Variants in ANK3 observed in about 807,000 individuals in gnomAD.
The protein encoded by ANK3 is ankyrin-3.
Under a neutral mutation model 370.9 loss-of-function variants are expected in ANK3, and 57 were observed. That is an observed-to-expected ratio of 0.15 (90% CI 0.12 to 0.19). ANK3 has a LOEUF of 0.19. Among genes scored for constraint, ANK3 ranks in the 10% least tolerant of loss-of-function variants. The pLI is 1.00. For missense variants in ANK3, 4,439 were observed against 5,302.1 expected (o/e 0.84, Z 5.06); for synonymous variants, 1,929 against 1,946.3 (o/e 0.99, Z 0.23).
intron 1 of ANK3, among the ~76,000 whole-genome samples, chr10:60,364,217 C>A (rs2059077178): frequency 2.0e-5 from 3 of 150,976 alleles, no homozygotes; most frequent in African/African-American, 7.3e-5. Flanking sequence ...TTGCTTGAAC[C>A]TCGGAGGCAG....
chr10:60,440,253 C>G (rs1391819598), intron 2 of ANK3, among the ~76,000 whole-genome samples: 8 of 151,982 alleles, frequency 5.3e-5, no homozygotes, highest in Non-Finnish European at 1.5e-5. Context: ...TAGAAGTGGC[C>G]TAGTGTAGTA....
intron 1 of ANK3, among the ~76,000 whole-genome samples, chr10:60,380,199 T>G (rs2061373834): frequency 6.6e-6 from 1 of 152,162 alleles, no homozygotes; most frequent in African/African-American, 2.4e-5. Context: ...TCCAGTAATA[T>G]CACCCTCCTA....
chr10:60,043,288 G>A lies in ANK3; in HGVS notation c.13066-529C>T, dbSNP rs535111567. 125 of 985,386 alleles carry A rather than the reference G, an allele frequency of 1.3e-4. 6 individuals carry two copies. In the South Asian group the frequency reaches 4.3e-3, roughly 34 times the overall value. 61.0% of individuals were successfully genotyped at this position (985,386 alleles called of 1,614,324 possible). The stretch of plus-strand genomic sequence containing the variant: ...AGGAATACAGTTCCCCGAGAGCAAG[G>A]TTGTGGCACAAATACTCAGTTTTTA... On this transcript the variant is annotated intron_variant, in intron 42 of 43. Transcript: ENST00000280772.
At chr10:60,209,184 G>GTT (rs2096811227) in intron 9 of ANK3, among the ~76,000 whole-genome samples, 1 of 152,092 alleles carries the variant, frequency 6.6e-6, no homozygotes, top group African/African-American at 2.4e-5. Flanking sequence ...TATCAAGAGA[G>GTT]GCTCTATCAA....
rs756369515 is a variant in ANK3 at position 60,064,193 on chromosome 10, T to C, written c.12415A>G (p.Lys4139Glu). 4.4e-6 allele frequency: 7 copies of C among 1,573,682 alleles called. No individual in the cohort carries two copies. The Admixed American group carries it at 1.5e-4, about 33-fold the overall frequency. The part of the protein sequence containing the change: ...SLISQSFMLL[K>E]KWVTRDGKNA... ...TTTCCGTCTCTGGTAACCCATTTTT[T>C]TAATAACATGAAGCTCTGAGAAATT... The change falls in exon 39 of 44, where the codon AAA becomes GAA. Residue 4139 changes from lysine to glutamate, a missense_variant. Lys to Glu is a moderately conservative substitution (Grantham distance 56). Coordinates refer to ENST00000280772, the MANE Select transcript of ANK3 (RefSeq NM_020987.5).
At chr10:60,690,058 C>T (rs1049625165) in intron 1 of ANK3, among the ~76,000 whole-genome samples, 1 of 152,104 alleles carries the variant, frequency 6.6e-6, no homozygotes, top group Non-Finnish European at 1.5e-5. Context: ...GAAAGTAGTA[C>T]AAACTAGGAT....
chr10:60,678,246 T>C (rs1181974397), intron 1 of ANK3, among the ~76,000 whole-genome samples: 3 of 152,212 alleles, frequency 2.0e-5, no homozygotes, highest in Admixed American at 2.0e-4. Context: ...TTGATAGGGC[T>C]TTGGTGAGAA....
chr10:60,054,063 A>C (rs1283468937), intron 42 of ANK3, among the ~76,000 whole-genome samples: 2 of 152,246 alleles, frequency 1.3e-5, no homozygotes, highest in Non-Finnish European at 2.9e-5. Flanking sequence ...CTAAATTTTC[A>C]ACCGTCTTTA....
At chr10:60,733,210 C>T in intron 1 of ANK3, 5 of 1,233,072 alleles carry the variant, frequency 4.1e-6, no homozygotes, top group Non-Finnish European at 5.1e-6. Context: ...CCCGGGTCCC[C>T]GCATGCCCCT....
intron 23 of ANK3, among the ~76,000 whole-genome samples, chr10:60,152,719 T>G (rs2095185845): frequency 6.6e-6 from 1 of 152,266 alleles, no homozygotes; most frequent in East Asian, 1.9e-4. Flanking sequence ...AAAATATAAA[T>G]ATACATTTTA....
At chr10:60,526,761 A>T (rs182168087) in intron 2 of ANK3, among the ~76,000 whole-genome samples, 1 of 152,206 alleles carries the variant, frequency 6.6e-6, no homozygotes, top group Non-Finnish European at 1.5e-5. Context: ...ATGAAGAAAT[A>T]AAAAAATGTA....
chr10:60,192,846 A>T (rs904476413), intron 16 of ANK3, among the ~76,000 whole-genome samples: 1 of 152,164 alleles, frequency 6.6e-6, no homozygotes, highest in African/African-American at 2.4e-5. Context: ...TTGATTTTTT[A>T]AAAAGTCACA....
intron 39 of ANK3, 71 bp downstream of exon 39, chr10:60,064,086 T>A: frequency 7.2e-7 from 1 of 1,389,864 alleles, no homozygotes; most frequent in Non-Finnish European, 9.6e-7. Context: ...TGGATGAACC[T>A]AACAGTTGGC....
intron 1 of ANK3, among the ~76,000 whole-genome samples, chr10:60,341,392 T>C (rs989660588): frequency 4.6e-5 from 7 of 152,130 alleles, no homozygotes; most frequent in African/African-American, 1.2e-4. Context: ...TGTCTTCTGA[T>C]TAAGTTTTTC....
chr10:60,638,726 C>T (rs1430709714), intron 1 of ANK3, among the ~76,000 whole-genome samples: 1 of 151,844 alleles, frequency 6.6e-6, no homozygotes, highest in East Asian at 1.9e-4. Flanking sequence ...TGAAAATATG[C>T]TCAATAACTT....
chr10:60,091,991 A>G (rs547878700), intron 28 of ANK3, among the ~76,000 whole-genome samples: 1 of 152,260 alleles, frequency 6.6e-6, no homozygotes, highest in Admixed American at 6.5e-5. Flanking sequence ...AGCCTCCCAA[A>G]GTGCTGGGAT....
intron 1 of ANK3, among the ~76,000 whole-genome samples, chr10:60,665,603 A>G (rs2078986396): frequency 6.6e-6 from 1 of 152,220 alleles, no homozygotes; most frequent in South Asian, 2.1e-4. Flanking sequence ...TATCTGTTTT[A>G]AGATAAATAC....
At chr10:60,504,757 G>A (rs2075890590) in intron 2 of ANK3, among the ~76,000 whole-genome samples, 1 of 152,088 alleles carries the variant, frequency 6.6e-6, no homozygotes, top group Admixed American at 6.6e-5. Flanking sequence ...ACATTCTATA[G>A]GACCCCTGGT....
rs777570676 is a variant in ANK3, at chr10:60,057,078, A to G, written c.12687-1042T>C. On this transcript the variant is annotated intron_variant, in intron 41 of 43. Transcript: ENST00000280772. ...ATTCCCCCAAGTACCCCAAATTCCA[A>G]TTCTTTGTATATGTTTTCAGTCATG... is the stretch of plus-strand genomic sequence containing the variant. 1.1e-4 allele frequency among the ~76,000 whole-genome samples: 16 copies of G among 152,210 alleles called. No individual in the cohort carries two copies. In the Middle Eastern group the frequency reaches 0.014, roughly 129 times the overall value.
Sources: allele counts gnomAD v4.1 joint callset (sites outside exome capture counted in the v4.1 genomes callset), GRCh38; gene constraint gnomAD v4.1.1; transcripts MANE v1.5; gene names NCBI Gene and HGNC (gene_info 2026-07-23, HGNC 2026-07-21).